ZMAT4: variants seen among roughly 807,000 people sequenced by gnomAD.
The protein encoded by ZMAT4 is zinc finger matrin-type protein 4.
In ZMAT4, 17 loss-of-function variants were observed where a neutral mutation model predicts 28.7. The ratio of observed to expected loss-of-function variants is 0.59; its 90% confidence interval spans 0.41 to 0.89. ZMAT4 has a LOEUF of 0.89. Ranked by LOEUF, ZMAT4 falls within the 40% of genes least tolerant of loss-of-function variation. The pLI is 0.00. For synonymous variants in ZMAT4, 117 were observed against 109.2 expected (o/e 1.07, Z -0.44); for missense variants, 240 against 283.8 (o/e 0.85, Z 1.11).
intron 3 of ZMAT4, among the ~76,000 whole-genome samples, chr8:40,755,898 C>T (rs904378418): frequency 1.3e-5 from 2 of 152,168 alleles, no homozygotes; most frequent in African/African-American, 2.4e-5. Flanking sequence ...TATTTTCTGA[C>T]TTCTGACTTG....
chr8:40,589,481 A>G (rs906766003), intron 5 of ZMAT4, among the ~76,000 whole-genome samples: 10 of 152,216 alleles, frequency 6.6e-5, no homozygotes, highest in Admixed American at 6.5e-4. Context: ...TGTTAAAAAC[A>G]CAAATTCTAG....
At chr8:40,538,333 G>A (rs1802914469) in intron 6 of ZMAT4, among the ~76,000 whole-genome samples, 1 of 152,098 alleles carries the variant, frequency 6.6e-6, no homozygotes, top group Non-Finnish European at 1.5e-5. Context: ...TAGCCTGGAA[G>A]CCTCCGAACC....
At chr8:40,796,082 C>G (rs1191876719) in intron 2 of ZMAT4, among the ~76,000 whole-genome samples, 2 of 152,286 alleles carry the variant, frequency 1.3e-5, no homozygotes, top group African/African-American at 4.8e-5. Context: ...CCAGCTCTCC[C>G]CCTCTGGCTG....
chr8:40,661,919 T>C lies in ZMAT4; in HGVS notation c.577+12785A>G, dbSNP rs547108946. Among the ~76,000 whole-genome samples, 18 of 152,226 alleles carry C rather than the reference T, an allele frequency of 1.2e-4. 1 individual carries two copies. The highest frequency in any genetic ancestry group is 2.2e-4 in the Non-Finnish European group (15 of 68,038). ...TGAATTGGTTAGCAGTTTCACATGA[T>C]ATTGTCAGCTTCTTCAATGTAGACA... On this transcript the variant is annotated intron_variant, in intron 5 of 6. Transcript: ENST00000297737.
intron 5 of ZMAT4, among the ~76,000 whole-genome samples, chr8:40,592,954 A>T (rs1305047819): frequency 6.6e-6 from 1 of 152,324 alleles, no homozygotes; most frequent in South Asian, 2.1e-4. Flanking sequence ...TTAAGAAAAC[A>T]TAAATAAATA....
chr8:40,795,387 T>C (rs4736880), intron 2 of ZMAT4, among the ~76,000 whole-genome samples: 1 of 151,980 alleles, frequency 6.6e-6, no homozygotes, highest in African/African-American at 2.4e-5. Flanking sequence ...AAAGCTGTAC[T>C]GGATCCTTAT....
At chr8:40,856,652 A>T (rs1162555982) in intron 1 of ZMAT4, among the ~76,000 whole-genome samples, 1 of 152,200 alleles carries the variant, frequency 6.6e-6, no homozygotes, top group Non-Finnish European at 1.5e-5. Context: ...ATCCTGGAGC[A>T]TGTTGTCATA....
intron 3 of ZMAT4, among the ~76,000 whole-genome samples, chr8:40,761,629 G>A (rs932253172): frequency 6.6e-6 from 1 of 152,148 alleles, no homozygotes; most frequent in African/African-American, 2.4e-5. Context: ...CCAACTACCT[G>A]ATGAACTCCA....
chr8:40,861,704 G>C (rs959255117), intron 1 of ZMAT4, among the ~76,000 whole-genome samples: 1 of 151,888 alleles, frequency 6.6e-6, no homozygotes, highest in Non-Finnish European at 1.5e-5. Flanking sequence ...ATCTACAAAG[G>C]ACTCAAACAA....
chr8:40,744,373 GGT>G (rs1403675251), intron 3 of ZMAT4, among the ~76,000 whole-genome samples: 12 of 152,304 alleles, frequency 7.9e-5, no homozygotes, highest in African/African-American at 2.6e-4. Context: ...CACATCTGCA[GGT>G]GTCCAGCTGG....
At chr8:40,629,071 G>A (rs188287038) in intron 5 of ZMAT4, among the ~76,000 whole-genome samples, 12 of 148,940 alleles carry the variant, frequency 8.1e-5, no homozygotes, top group African/African-American at 2.7e-4. Context: ...TTCTTTTTGG[G>A]ACTCCTAATA....
At chr8:40,884,657 CA>C (rs889410171) in intron 1 of ZMAT4, 1 of 152,280 alleles carries the variant, frequency 6.6e-6, no homozygotes, top group African/African-American at 2.4e-5. Flanking sequence ...CTTTCTTCTG[CA>C]AAAATGCTTT....
intron 4 of ZMAT4, among the ~76,000 whole-genome samples, chr8:40,678,093 C>A (rs1585864604): frequency 6.6e-6 from 1 of 152,110 alleles, no homozygotes; most frequent in Non-Finnish European, 1.5e-5. Flanking sequence ...ATGTTGAGAA[C>A]AAATGATCTA....
At chr8:40,807,319 G>A (rs1357393328) in intron 2 of ZMAT4, among the ~76,000 whole-genome samples, 3 of 152,048 alleles carry the variant, frequency 2.0e-5, no homozygotes, top group African/African-American at 7.2e-5. Context: ...GTGGAAGCCT[G>A]TAGTCCCAGA....
At chr8:40,543,288 G>A (rs879742855) in intron 6 of ZMAT4, among the ~76,000 whole-genome samples, 4 of 152,178 alleles carry the variant, frequency 2.6e-5, no homozygotes, top group East Asian at 1.9e-4. Context: ...ACATGCTTGC[G>A]GAGGCTCTGG....
intron 3 of ZMAT4, among the ~76,000 whole-genome samples, chr8:40,715,148 G>A (rs912582033): frequency 2.0e-5 from 3 of 152,066 alleles, no homozygotes; most frequent in Non-Finnish European, 4.4e-5. Context: ...TGAGGAACTG[G>A]GGAACAGCAT....
At chr8:40,647,496 G>A (rs1013181701) in intron 5 of ZMAT4, among the ~76,000 whole-genome samples, 2 of 152,162 alleles carry the variant, frequency 1.3e-5, no homozygotes, top group African/African-American at 2.4e-5. Context: ...GCGAGGCTGG[G>A]GGAGGGGCGC....
intron 5 of ZMAT4, among the ~76,000 whole-genome samples, chr8:40,589,982 T>TTCCTTCCG (rs1804831364): frequency 1.2e-5 from 1 of 85,792 alleles, no homozygotes; most frequent in East Asian, 3.9e-4. Flanking sequence ...CCTTCCTTCC[T>TTCCTTCCG]TCCTTCCTTC....
intron 6 of ZMAT4, among the ~76,000 whole-genome samples, chr8:40,542,396 A>ATTTC (rs1480225107): frequency 6.6e-6 from 1 of 151,842 alleles, no homozygotes; most frequent in Non-Finnish European, 1.5e-5. Flanking sequence ...TTATTTATTT[A>ATTTC]TTTATTTTTA....
Sources: gnomAD v4.1 joint callset for allele counts (sites outside exome capture counted in the v4.1 genomes callset) on GRCh38, gnomAD v4.1.1 for gene constraint, MANE v1.5 for transcripts, NCBI Gene and HGNC (gene_info 2026-07-23, HGNC 2026-07-21) for gene names.